The following NTM variants were observed in gnomAD, a reference collection of about 807,000 sequenced individuals.
NTM encodes the protein IgLON family member 2.
A neutral mutation model predicts 42.1 loss-of-function variants in NTM; 13 were observed. The observed-to-expected ratio is 0.31, with a 90% confidence interval of 0.20 to 0.49. NTM has a LOEUF of 0.49. Among genes scored for constraint, NTM ranks in the 20% least tolerant of loss-of-function variants. The probability of loss-of-function intolerance (pLI) is 0.99; values close to 1 mark genes in which losing one functional copy is unlikely to be tolerated. For synonymous variants in NTM, 187 were observed against 179.2 expected (o/e 1.04, Z -0.35); for missense variants, 373 against 452.8 (o/e 0.82, Z 1.60).
At chr11:131,879,949 T>C (rs1043409676) in intron 1 of NTM, among the ~76,000 whole-genome samples, 9 of 152,330 alleles carry the variant, frequency 5.9e-5, no homozygotes, top group Non-Finnish European at 1.0e-4. Context: ...GTGTTTGCAA[T>C]TGTTGGTTTG....
At chr11:132,115,530 T>C (rs78743313) in intron 2 of NTM, among the ~76,000 whole-genome samples, 4,254 of 152,214 alleles carry the variant, frequency 0.028, 82 homozygotes, top group Middle Eastern at 0.11. Flanking sequence ...ATAGGTAACA[T>C]TTTCCTGTCA....
intron 1 of NTM, among the ~76,000 whole-genome samples, chr11:131,716,435 T>C (rs2077695732): frequency 6.6e-6 from 1 of 152,232 alleles, no homozygotes; most frequent in Non-Finnish European, 1.5e-5. Context: ...ATTTAGCTTT[T>C]AAGAAATTCC....
intron 1 of NTM, among the ~76,000 whole-genome samples, chr11:131,828,257 G>A (rs777662415): frequency 3.3e-5 from 5 of 151,912 alleles, no homozygotes; most frequent in Non-Finnish European, 7.4e-5. Context: ...TTGTACTCTC[G>A]TCACTATCAC....
At chr11:131,898,417 C>T (rs1476564543) in intron 1 of NTM, among the ~76,000 whole-genome samples, 1 of 152,112 alleles carries the variant, frequency 6.6e-6, no homozygotes, top group African/African-American at 2.4e-5. Context: ...TGTGTTTTAC[C>T]TGTTCTTTGC....
At chr11:131,798,461 G>C (rs2051577970) in intron 1 of NTM, among the ~76,000 whole-genome samples, 1 of 152,152 alleles carries the variant, frequency 6.6e-6, no homozygotes, top group African/African-American at 2.4e-5. Flanking sequence ...GCAAGGATGG[G>C]GAGTCTAAAG....
At chr11:131,889,811 C>T (rs888157771) in intron 1 of NTM, among the ~76,000 whole-genome samples, 6 of 152,120 alleles carry the variant, frequency 3.9e-5, no homozygotes, top group Non-Finnish European at 5.9e-5. Flanking sequence ...AGCACTGTAG[C>T]GCCCCTCTTT....
At chr11:131,650,137 G>C (rs1190873789) in intron 1 of NTM, among the ~76,000 whole-genome samples, 1 of 152,184 alleles carries the variant, frequency 6.6e-6, no homozygotes, top group Non-Finnish European at 1.5e-5. Flanking sequence ...TCATGGTATA[G>C]CAGGACCGTG....
intron 1 of NTM, among the ~76,000 whole-genome samples, chr11:131,633,810 A>G (rs992300732): frequency 1.4e-5 from 2 of 138,632 alleles, no homozygotes; most frequent in African/African-American, 2.6e-5. Flanking sequence ...ACACACAGCC[A>G]TACAATTTAG....
chr11:132,330,045 C>T (rs775208372), intron 7 of NTM, 108 bp from the exon 8 acceptor site: 102 of 1,506,868 alleles, frequency 6.8e-5, no homozygotes, highest in East Asian at 7.4e-5. Context: ...GGCGCAGGGA[C>T]GCTGCTGCGC....
intron 2 of NTM, among the ~76,000 whole-genome samples, chr11:132,006,322 G>GT (rs565681754): frequency 6.4e-4 from 98 of 152,208 alleles, no homozygotes; most frequent in African/African-American, 2.2e-3. Flanking sequence ...TTTGTTTGTG[G>GT]TTTTTTTCCC....
intron 1 of NTM, among the ~76,000 whole-genome samples, chr11:131,902,436 T>C (rs1384676301): frequency 2.8e-4 from 42 of 152,198 alleles, no homozygotes; most frequent in Admixed American, 2.5e-3. Flanking sequence ...ACAGTGAACA[T>C]TTACAAATCA....
intron 4 of NTM, chr11:132,306,174 CTGTTGT>C (rs2140167316): frequency 6.6e-6 from 1 of 152,288 alleles, no homozygotes; most frequent in South Asian, 2.1e-4. Flanking sequence ...GTTGTTGTTG[CTGTTGT>C]TATTGTTATT....
intron 1 of NTM, among the ~76,000 whole-genome samples, chr11:131,898,626 C>T (rs1031019951): frequency 3.3e-5 from 5 of 152,202 alleles, no homozygotes; most frequent in Non-Finnish European, 7.3e-5. Context: ...TAACACGCCA[C>T]CTACCCTAGG....
At chr11:131,752,667 A>G (rs909446969) in intron 1 of NTM, among the ~76,000 whole-genome samples, 2 of 152,172 alleles carry the variant, frequency 1.3e-5, no homozygotes, top group African/African-American at 4.8e-5. Flanking sequence ...AGACTGGATT[A>G]AGAAAATGTG....
chr11:131,767,272 C>T (rs2085275789), intron 1 of NTM: 2 of 298,200 alleles, frequency 6.7e-6, no homozygotes, highest in Non-Finnish European at 9.9e-6. Context: ...AATATCCATG[C>T]TTTGGCCAGG....
Position 132,146,143 on chromosome 11 carries a change from C to A in NTM, c.168-139C>A. ...CTTTGCTGTGTTCCAGAAAAGTCCACCCCTGACAAATCAAAGGAAATGTAT... is the reference window on the plus strand; with the variant it reads ...CTTTGCTGTGTTCCAGAAAAGTCCAACCCTGACAAATCAAAGGAAATGTAT... On this transcript the variant is annotated intron_variant, in intron 2 of 8. Transcript: ENST00000683400. This position sits in a 1 kb window ranked among gnomAD's most constrained non-coding sequence, Gnocchi z 4.5. 1 of 1,354,626 alleles carries A rather than the reference C, an allele frequency of 7.4e-7. No homozygotes were observed. The allele number at this position is 1,354,626 out of a possible 1,614,324, so 83.9% of individuals were successfully genotyped here.
intron 1 of NTM, among the ~76,000 whole-genome samples, chr11:131,426,671 A>G (rs1448354): frequency 0.79 from 120,495 of 152,092 alleles, 47,906 homozygotes; most frequent in East Asian, 0.94. Context: ...TCCATTCTGC[A>G]CTTGTCGGAA....
chr11:132,115,667 A>G (rs1343445149), intron 2 of NTM, among the ~76,000 whole-genome samples: 1 of 152,224 alleles, frequency 6.6e-6, no homozygotes, highest in East Asian at 1.9e-4. Flanking sequence ...CCAGGGACCC[A>G]GGAGCTATTG....
chr11:131,839,387 C>T (rs1000959020), intron 1 of NTM, among the ~76,000 whole-genome samples: 2 of 152,256 alleles, frequency 1.3e-5, no homozygotes, highest in East Asian at 3.9e-4. Flanking sequence ...CATTTATAAG[C>T]TGATGTTAGA....
Sources: allele counts gnomAD v4.1 joint callset (sites outside exome capture counted in the v4.1 genomes callset), GRCh38; gene constraint gnomAD v4.1.1; non-coding constraint Gnocchi (gnomAD v3.1); transcripts MANE v1.5; gene names NCBI Gene and HGNC (gene_info 2026-07-23, HGNC 2026-07-21).